Variants in RAPGEFL1 observed in about 807,000 individuals in gnomAD.
RAPGEFL1 encodes rap guanine nucleotide exchange factor-like 1.
A neutral mutation model predicts 64.4 loss-of-function variants in RAPGEFL1; 31 were observed. The ratio of observed to expected loss-of-function variants is 0.48; its 90% confidence interval spans 0.36 to 0.65. The LOEUF is 0.65. Ranked by LOEUF, RAPGEFL1 falls within the 30% of genes least tolerant of loss-of-function variation. The probability of loss-of-function intolerance (pLI) is 0.00; values close to 1 mark genes in which losing one functional copy is unlikely to be tolerated. For missense variants in RAPGEFL1, 682 were observed against 677.4 expected, an observed-to-expected ratio of 1.01 and a Z score of -0.08; for synonymous variants, 331 against 274.1, an observed-to-expected ratio of 1.21 and a Z score of -2.05.
At chr17:40,177,162 C>G, upstream of RAPGEFL1, 1 of 702,638 alleles carries the variant, frequency 1.4e-6, no homozygotes. Flanking sequence ...GTTCAGCAAT[C>G]TGTAGGCCTG....
chr17:40,181,897 C>T (rs1354442365), intron 2 of RAPGEFL1, among the ~76,000 whole-genome samples: 1 of 152,006 alleles, frequency 6.6e-6, no homozygotes, highest in African/African-American at 2.4e-5. Flanking sequence ...GCCAGGCTAA[C>T]ATAGTGAAAC....
intron 12 of RAPGEFL1, 60 bp from the exon 13 acceptor site, chr17:40,192,851 TCCTCGGGTGCAGTGG>T: frequency 7.1e-7 from 1 of 1,406,120 alleles, no homozygotes; most frequent in South Asian, 1.2e-5. Context: ...AAGAGCGGGG[TCCTCGGGTGCAGTGG>T]CCCCTTTCGA....
At chr17:40,182,623 T>C (rs945344378) in intron 2 of RAPGEFL1, among the ~76,000 whole-genome samples, 1 of 152,240 alleles carries the variant, frequency 6.6e-6, no homozygotes, top group Non-Finnish European at 1.5e-5. Context: ...CAAGGTGTTA[T>C]TATTCTACTA....
At chr17:40,179,279 G>T (rs1989823094) in intron 1 of RAPGEFL1, among the ~76,000 whole-genome samples, 1 of 152,156 alleles carries the variant, frequency 6.6e-6, no homozygotes, top group African/African-American at 2.4e-5. Flanking sequence ...TGTTAGCCAG[G>T]ATGGTCTCGA....
Position 40,191,286 on chromosome 17 carries a change from C to G in RAPGEFL1, c.1336-30C>G. 6.6e-7 allele frequency: 1 copy of G among 1,526,660 alleles called. No homozygotes were observed. Among genetic ancestry groups the G allele is most frequent in the Non-Finnish European group, 8.7e-7 (1 of 1,145,718 alleles). 94.6% of individuals were successfully genotyped at this position (1,526,660 alleles called of 1,614,324 possible). On this transcript the variant is annotated intron_variant, in intron 8 of 14. Coordinates refer to ENST00000620260, the MANE Select transcript of RAPGEFL1 (RefSeq NM_016339.6). The surrounding 1 kb of genome is among the most constrained non-coding windows in gnomAD (Gnocchi z 5.1). The stretch of plus-strand genomic sequence containing the variant: ...CCCACTCCCCTCACCCCCTGGCGCC[C>G]TGGCCGCCCCTCCGCTGCCGTGGGT...
At chr17:40,186,754 C>T (rs1990091260) in intron 4 of RAPGEFL1, among the ~76,000 whole-genome samples, 4 of 150,942 alleles carry the variant, frequency 2.7e-5, no homozygotes, top group South Asian at 2.1e-4. Context: ...ATTAGCCGGG[C>T]GTGGTGGTAC....
chr17:40,191,778 T>C lies in RAPGEFL1; in HGVS notation c.1605+106T>C, dbSNP rs1473114751. On this transcript the variant is annotated intron_variant, in intron 10 of 14. Coordinates refer to ENST00000620260, the MANE Select transcript of RAPGEFL1 (RefSeq NM_016339.6). The surrounding 1 kb of genome is among the most constrained non-coding windows in gnomAD (Gnocchi z 5.1). ...GGCCTGGAGGGAGTCTTTGCGCCAG[T>C]TGGAGGGAGGCGCCCTCTTCTGGCA... 3 of 1,173,940 alleles carry C rather than the reference T, an allele frequency of 2.6e-6. No individual in the cohort carries two copies. Among genetic ancestry groups the C allele is most frequent in the Non-Finnish European group, 3.7e-6 (3 of 812,230 alleles). The allele number at this position is 1,173,940 out of a possible 1,614,324, so 72.7% of individuals were successfully genotyped here.
Position 40,194,092 on chromosome 17 carries a change from T to G in RAPGEFL1, c.*304T>G, listed in dbSNP as rs1990376188. The G allele has an allele frequency of 1.1e-5, 3 of 281,046 alleles. No homozygotes were observed. The South Asian group carries it at 1.6e-4, about 15-fold the overall frequency. 17.4% of individuals were successfully genotyped at this position (281,046 alleles called of 1,614,324 possible). ...TGTTCTGGGGATGGAGCTTCCAACT[T>G]CCTCTTGCAGCAGGAAAGAATGCTG... On this transcript the variant is annotated 3_prime_UTR_variant, in exon 15 of 15. Coordinates refer to ENST00000620260, the MANE Select transcript of RAPGEFL1 (RefSeq NM_016339.6).
At position 40,194,292 on chromosome 17, in the gene RAPGEFL1, T is replaced by TGTGTGTGTGTG. The variant is rs1555555133; in HGVS notation, c.*504_*505insGTGTGTGTGTG. 5 of 151,432 alleles carry TGTGTGTGTGTG rather than the reference T, an allele frequency of 3.3e-5. No homozygotes were observed. Among genetic ancestry groups the TGTGTGTGTGTG allele is most frequent in the African/African-American group, 5.6e-5 (2 of 35,946 alleles). 9.4% of individuals were successfully genotyped at this position (151,432 alleles called of 1,614,324 possible). On this transcript the variant is annotated 3_prime_UTR_variant, in exon 15 of 15. Coordinates refer to ENST00000620260, the MANE Select transcript of RAPGEFL1 (RefSeq NM_016339.6). ...GTGTGTGTGTGTGTGTGTGTGTGTC[T>TGTGTGTGTGTG]TCTTTTAGGGAGCAGGAGTGCATCT...
At chr17:40,180,485 TGTGTGGGAGGAGA>T (rs1989861115) in intron 1 of RAPGEFL1, among the ~76,000 whole-genome samples, 1 of 152,090 alleles carries the variant, frequency 6.6e-6, no homozygotes, top group South Asian at 2.1e-4. Flanking sequence ...CCTCCCAGGG[TGTGTGGGAGGAGA>T]GAACTTACAG....
In RAPGEFL1 at chr17:40,184,250, G is replaced by A; in HGVS notation, c.636G>A (p.Gly212=). 1.2e-6 allele frequency: 2 copies of A among 1,613,588 alleles called. No individual in the cohort carries two copies. The highest frequency in any genetic ancestry group is 1.7e-6 in the Non-Finnish European group (2 of 1,179,870). The change falls in exon 3 of 15, where the codon GGG becomes GGA. Residue 212 remains glycine (G), a synonymous_variant. Coordinates refer to ENST00000620260, the MANE Select transcript of RAPGEFL1 (RefSeq NM_016339.6). The stretch of plus-strand genomic sequence containing the variant: ...CAGGAGGCATGGAGGGCCCTGAAGG[G>A]CTGGGCCGGAAGCAAGCCTGTCTAG... The part of the protein sequence containing the change: ...VRAGGMEGPE[G]LGRKQACLAM...
chr17:40,189,327 G>A lies in RAPGEFL1; in HGVS notation c.1066G>A (p.Ala356Thr), dbSNP rs145951307. ...GAAACTTCAATATTCAGAGGAGCCCGCGGGGCGTGAGGATTCCCTCATCCT... is the reference window on the plus strand; with the variant it reads ...GAAACTTCAATATTCAGAGGAGCCCACGGGGCGTGAGGATTCCCTCATCCT... The part of the protein sequence containing the change: ...TEKLQYSEEP[A>T]GREDSLILVA... The change falls in exon 6 of 15, where the codon GCG (alanine) becomes ACG (threonine). Residue 356 changes from alanine (A) to threonine (T), a missense_variant. Ala to Thr is a moderately conservative substitution (Grantham distance 58). Coordinates refer to ENST00000620260, the MANE Select transcript of RAPGEFL1 (RefSeq NM_016339.6). 101 of 1,614,052 alleles carry A rather than the reference G, an allele frequency of 6.3e-5. No homozygotes were observed. The highest frequency in any genetic ancestry group is 4.0e-4 in the East Asian group (18 of 44,898).
At chr17:40,183,578 G>A (rs1319385379) in intron 2 of RAPGEFL1, among the ~76,000 whole-genome samples, 2 of 141,814 alleles carry the variant, frequency 1.4e-5, no homozygotes. Context: ...GGAGTGCAAT[G>A]GCCTGACCTC....
chr17:40,189,382 G>A lies in RAPGEFL1; in HGVS notation c.1114+7G>A. ...GCTGTGTCCTCCTCTGGAGGTGAGG[G>A]TCAGGAAGAACTGGGCTGATGCTCC... is the stretch of plus-strand genomic sequence containing the variant. On this transcript the variant is annotated splice_region_variant and intron_variant, in intron 6 of 14. Coordinates refer to ENST00000620260, the MANE Select transcript of RAPGEFL1 (RefSeq NM_016339.6). 6.2e-7 allele frequency: 1 copy of A among 1,613,892 alleles called. No individual in the cohort carries two copies. The highest frequency in any genetic ancestry group is 2.2e-5 in the East Asian group (1 of 44,876).
rs375286513 is a variant in RAPGEFL1 at position 40,189,201 on chromosome 17, C to T, written c.947-7C>T. ...CTGTTGAAAGCCATTTTCCTGTTTC[C>T]GTCCAGTCTTCTGCCGTGTATACAT... is the stretch of plus-strand genomic sequence containing the variant. On this transcript the variant is annotated splice_region_variant and splice_polypyrimidine_tract_variant and intron_variant, in intron 5 of 14. Transcript: ENST00000620260. 5.7e-5 allele frequency: 92 copies of T among 1,613,762 alleles called. No individual in the cohort carries two copies. The highest frequency in any genetic ancestry group is 1.1e-4 in the African/African-American group (8 of 75,030).
chr17:40,193,505 T>C (rs1990351051), intron 14 of RAPGEFL1, 88 bp downstream of exon 14: 4 of 1,580,512 alleles, frequency 2.5e-6, no homozygotes, highest in South Asian at 2.2e-5. Context: ...CAGATGTGTA[T>C]TTCCATACAC....
rs1990314837 is a variant in RAPGEFL1 at position 40,192,630 on chromosome 17, T to A, written c.1681T>A (p.Tyr561Asn). The part of the protein sequence containing the change: ...LTDPCRNHKS[Y>N]REVISKMKPP... ...GGACCCCTGCAGGAACCACAAAAGC[T>A]ACCGAGAAGTGATCTCCAAAATGAA... is the stretch of plus-strand genomic sequence containing the variant. The change falls in exon 12 of 15, where the codon TAC (tyrosine) becomes AAC (asparagine). Residue 561 changes from tyrosine to asparagine, a missense_variant. By Grantham distance (143) the Tyr-to-Asn change is moderately radical (BLOSUM62 -2). This residue lies in a region of RAPGEFL1 where 411 missense variants were observed against 519.4 expected (regional missense o/e 0.79). Transcript: ENST00000620260. 6.2e-7 allele frequency: 1 copy of A among 1,613,778 alleles called. No individual in the cohort carries two copies. The highest frequency in any genetic ancestry group is 1.3e-5 in the African/African-American group (1 of 74,878).
rs1990251435 is a variant in RAPGEFL1, at chr17:40,191,266, T to G, written c.1336-50T>G. On this transcript the variant is annotated intron_variant, in intron 8 of 14. Transcript: ENST00000620260. This position sits in a 1 kb window ranked among gnomAD's most constrained non-coding sequence, Gnocchi z 5.1. Reference sequence around the variant, plus strand: ...CTTGCACTGCCATCTTCCCACCCACTCCCCTCACCCCCTGGCGCCCTGGCC... The same window carrying G: ...CTTGCACTGCCATCTTCCCACCCACGCCCCTCACCCCCTGGCGCCCTGGCC... 1 of 1,295,398 alleles carries G rather than the reference T, an allele frequency of 7.7e-7. No homozygotes were observed. The highest frequency in any genetic ancestry group is 4.4e-5 in the East Asian group (1 of 22,876). The allele number at this position is 1,295,398 out of a possible 1,614,324, so 80.2% of individuals were successfully genotyped here.
Position 40,191,634 on chromosome 17 carries a change from G to A in RAPGEFL1, c.1567G>A (p.Asp523Asn). The A allele has an allele frequency of 6.2e-7, 1 of 1,613,392 alleles. No individual in the cohort carries two copies. Among genetic ancestry groups the A allele is most frequent in the Non-Finnish European group, 8.5e-7 (1 of 1,179,800 alleles). ...TTTCTACGCCGTGGTCATGGGGCTGGACAACGCCGCTGTCAGCCGCCTTCG... is the reference window on the plus strand; with the variant it reads ...TTTCTACGCCGTGGTCATGGGGCTGAACAACGCCGCTGTCAGCCGCCTTCG... ...LSFYAVVMGL[D>N]NAAVSRLRLT... The change falls in exon 10 of 15, where the codon GAC becomes AAC. Residue 523 changes from aspartate to asparagine, a missense_variant. By Grantham distance (23) the Asp-to-Asn change is conservative (BLOSUM62 1). Around this residue, in one of 2 missense-constraint regions of RAPGEFL1, gnomAD observed 411 missense variants for 519.4 expected, o/e 0.79. Coordinates refer to ENST00000620260, the MANE Select transcript of RAPGEFL1 (RefSeq NM_016339.6). This position sits in a 1 kb window ranked among gnomAD's most constrained non-coding sequence, Gnocchi z 5.1.
Sources: allele counts gnomAD v4.1 joint callset (sites outside exome capture counted in the v4.1 genomes callset), GRCh38; gene constraint gnomAD v4.1.1; regional missense constraint gnomAD v4.1.1; non-coding constraint Gnocchi (gnomAD v3.1); transcripts MANE v1.5; gene names NCBI Gene and HGNC (gene_info 2026-07-23, HGNC 2026-07-21).